Variants in ARCN1 observed in about 807,000 individuals in gnomAD.
ARCN1 encodes the protein archain 1 coat protein complex I subunit delta, also known as coatomer subunit delta.
A neutral mutation model predicts 60.4 loss-of-function variants in ARCN1; 5 were observed. That is an observed-to-expected ratio of 0.08 (90% CI 0.04 to 0.17). ARCN1 has a LOEUF of 0.17. Among genes scored for constraint, ARCN1 ranks in the 10% least tolerant of loss-of-function variants. ARCN1 has a pLI of 1.00. For synonymous variants in ARCN1, 224 were observed against 220.0 expected, an observed-to-expected ratio of 1.02 and a Z score of -0.16; for missense variants, 464 against 626.5, an observed-to-expected ratio of 0.74 and a Z score of 2.77.
chr11:118,601,492 A>G lies in ARCN1; in HGVS notation c.*778A>G, dbSNP rs182476493. 62 of 618,102 alleles carry G rather than the reference A, an allele frequency of 1.0e-4. No homozygotes were observed. Among genetic ancestry groups the G allele is most frequent in the African/African-American group, 7.9e-4 (43 of 54,374 alleles). The allele number at this position is 618,102 out of a possible 1,614,324, so 38.3% of individuals were successfully genotyped here. A position where few individuals can be genotyped will look rare whatever the true frequency, so the allele number is the denominator to read the frequency against. ...CCTTTACCTTTAGGTTTTTCTTTCTATACATTCAGTCAGGCACTGGGATCA... is the reference window on the plus strand; with the variant it reads ...CCTTTACCTTTAGGTTTTTCTTTCTGTACATTCAGTCAGGCACTGGGATCA... On this transcript the variant is annotated 3_prime_UTR_variant, in exon 10 of 10. Transcript: ENST00000264028.
At chr11:118,600,491 A>C (rs1030534452) in intron 9 of ARCN1, 134 bp from the exon 10 acceptor site, 1 of 571,778 alleles carries the variant, frequency 1.7e-6, no homozygotes, top group African/African-American at 2.0e-5. Context: ...TGTGAATTGA[A>C]CATTTTTCTA....
intron 5 of ARCN1, among the ~76,000 whole-genome samples, chr11:118,586,360 G>A (rs578178487): frequency 6.6e-6 from 1 of 152,280 alleles, no homozygotes; most frequent in Admixed American, 6.5e-5. Flanking sequence ...CCTCCCAAAA[G>A]TGCTTGGATT....
rs376675582 is a variant in ARCN1, at chr11:118,572,880, AC to A, written c.3+332del. On this transcript the variant is annotated intron_variant, in intron 1 of 9. Transcript: ENST00000264028. The stretch of plus-strand genomic sequence containing the variant: ...TGGTGGTGCGGGTCCCAGGCTGCGG[AC>A]CTCGGAACTGATGCTGTCCCGCCGG... The A allele has an allele frequency of 3.9e-3, 1,387 of 356,778 alleles. 16 individuals are homozygous for A. The highest frequency in any genetic ancestry group is 0.024 in the African/African-American group (1,144 of 47,796). 22.1% of individuals were successfully genotyped at this position (356,778 alleles called of 1,614,324 possible).
chr11:118,582,330 A>G (rs1358947709), intron 2 of ARCN1, among the ~76,000 whole-genome samples: 7 of 152,030 alleles, frequency 4.6e-5, no homozygotes, highest in Non-Finnish European at 8.8e-5. Context: ...GGGTTTCACC[A>G]TGTTGGCCAG....
At chr11:118,598,488 ATTT>A (rs1174732773) in intron 9 of ARCN1, among the ~76,000 whole-genome samples, 6 of 111,136 alleles carry the variant, frequency 5.4e-5, no homozygotes, top group Admixed American at 9.5e-5. Flanking sequence ...GTTCCTTCGG[ATTT>A]TTTTTTTTTT....
rs782067573 is a variant in ARCN1 at position 118,590,352 on chromosome 11, A to C, written c.830A>C (p.Lys277Thr). The C allele has an allele frequency of 6.2e-7, 1 of 1,613,384 alleles. No homozygotes were observed. Among genetic ancestry groups the C allele is most frequent in the Non-Finnish European group, 8.5e-7 (1 of 1,179,418 alleles). ...PPINMESVHM[K>T]IEEKITLTCG... ...CTTTCTCTTTATAGTGTACATATGA[A>C]GATTGAAGAAAAGATAACATTAACC... Residue 277 changes from lysine to threonine, a missense_variant, in exon 6 of 10, where the codon AAG (lysine) becomes ACG (threonine). Lys to Thr is a moderately conservative substitution (Grantham distance 78, BLOSUM62 -1). Transcript: ENST00000264028.
At position 118,601,148 on chromosome 11, in the gene ARCN1, C is replaced by T. The variant is rs1042189376; in HGVS notation, c.*434C>T. On this transcript the variant is annotated 3_prime_UTR_variant, in exon 10 of 10. Transcript: ENST00000264028. ...CATGATCTCAGCTCACTGCAACCTC[C>T]GCCTCCTGGGTTCAAGCAAGTCTCC... 11 of 182,408 alleles carry T rather than the reference C, an allele frequency of 6.0e-5. No homozygotes were observed. The highest frequency in any genetic ancestry group is 1.8e-4 in the Admixed American group (3 of 16,532). The allele number at this position is 182,408 out of a possible 1,614,324, so 11.3% of individuals were successfully genotyped here.
intron 8 of ARCN1, among the ~76,000 whole-genome samples, chr11:118,597,185 G>A (rs914378003): frequency 6.6e-6 from 1 of 152,156 alleles, no homozygotes; most frequent in Non-Finnish European, 1.5e-5. Flanking sequence ...CCAGCCTGGC[G>A]ACAGAGCAAG....
intron 2 of ARCN1, among the ~76,000 whole-genome samples, chr11:118,581,937 G>GACAGACAGACAGACACACAC (rs1555074708): frequency 6.4e-5 from 9 of 140,704 alleles, no homozygotes; most frequent in African/African-American, 2.1e-4. Context: ...CAGACAGACA[G>GACAGACAGACAGACACACAC]ACACACACAC....
chr11:118,585,097 A>T (rs778305616), intron 5 of ARCN1, among the ~76,000 whole-genome samples: 1 of 152,064 alleles, frequency 6.6e-6, no homozygotes, highest in Non-Finnish European at 1.5e-5. Flanking sequence ...AAGTGCTGGG[A>T]TTACAGGCGT....
In ARCN1 at chr11:118,584,027, G is replaced by T. The variant is rs782651258; in HGVS notation, c.653+13G>T. ...CTGCACCAGCCAGGTATAATCCAGT[G>T]TACTTTAGAATACCAGGTGAAGGGT... On this transcript the variant is annotated intron_variant, in intron 4 of 9. Coordinates refer to ENST00000264028, the MANE Select transcript of ARCN1 (RefSeq NM_001655.5). The T allele has an allele frequency of 1.2e-6, 2 of 1,612,580 alleles. No homozygotes were observed. Among genetic ancestry groups the T allele is most frequent in the African/African-American group, 2.7e-5 (2 of 74,946 alleles).
At chr11:118,592,609 C>T in intron 6 of ARCN1, 100 bp from the exon 7 acceptor site, 1 of 809,988 alleles carries the variant, frequency 1.2e-6, no homozygotes, top group South Asian at 3.1e-5. Flanking sequence ...TTGTTAGGTA[C>T]TCTATTTTGG....
chr11:118,578,891 T>C (rs954672890), intron 1 of ARCN1, among the ~76,000 whole-genome samples: 1 of 147,696 alleles, frequency 6.8e-6, no homozygotes, highest in Admixed American at 6.7e-5. Flanking sequence ...TTTTTTTTTT[T>C]TTTTTTTTTT....
chr11:118,575,936 T>C (rs1170267632), intron 1 of ARCN1, among the ~76,000 whole-genome samples: 5 of 152,040 alleles, frequency 3.3e-5, no homozygotes, highest in African/African-American at 1.2e-4. Flanking sequence ...GCAGTGGGTA[T>C]AAAATGGAAG....
In ARCN1 at chr11:118,584,571, A is replaced by G. The variant is rs782598259; in HGVS notation, c.745A>G (p.Ile249Val). 2 of 1,614,008 alleles carry G rather than the reference A, an allele frequency of 1.2e-6. No individual in the cohort carries two copies. Among genetic ancestry groups the G allele is most frequent in the South Asian group, 1.1e-5 (1 of 91,046 alleles). The change falls in exon 5 of 10, where the codon ATC becomes GTC. Residue 249 changes from isoleucine (I) to valine (V), a missense_variant. Coordinates refer to ENST00000264028, the MANE Select transcript of ARCN1 (RefSeq NM_001655.5). ...CAAATTAAAATCTGAAGGTGAAACC[A>G]TCATGTCCTCTAGTATGGGCAAGCG... Reference protein sequence around the residue: ...VDKLKSEGETIMSSSMGKRTS... With the variant: ...VDKLKSEGETVMSSSMGKRTS...
At position 118,601,742 on chromosome 11, in the gene ARCN1, A is replaced by G. The variant is rs1555078198; in HGVS notation, c.*1028A>G. On this transcript the variant is annotated 3_prime_UTR_variant, in exon 10 of 10. Coordinates refer to ENST00000264028, the MANE Select transcript of ARCN1 (RefSeq NM_001655.5). ...CTTCCAGTTTAGAACAGTACCATGA[A>G]TCCCACTTGTGTCAATATTAAAGAT... The G allele has an allele frequency of 4.3e-6, 3 of 702,874 alleles. No individual in the cohort carries two copies. The highest frequency in any genetic ancestry group is 4.0e-5 in the Admixed American group (2 of 49,976). The allele number at this position is 702,874 out of a possible 1,614,324, so 43.5% of individuals were successfully genotyped here.
intron 1 of ARCN1, among the ~76,000 whole-genome samples, chr11:118,580,117 G>C (rs1402813354): frequency 3.3e-5 from 5 of 152,062 alleles, no homozygotes; most frequent in African/African-American, 7.2e-5. Flanking sequence ...GAGTCCAGAA[G>C]TTCAAGACCA....
chr11:118,585,087 A>C (rs1555075292), intron 5 of ARCN1, among the ~76,000 whole-genome samples: 1 of 151,996 alleles, frequency 6.6e-6, no homozygotes, highest in Admixed American at 6.6e-5. Flanking sequence ...CAGCCTCCCG[A>C]AGTGCTGGGA....
intron 8 of ARCN1, among the ~76,000 whole-genome samples, chr11:118,597,430 C>G (rs1939050655): frequency 6.6e-6 from 1 of 152,206 alleles, no homozygotes; most frequent in Admixed American, 6.5e-5. Flanking sequence ...TCGCAGTCCC[C>G]AGATCTAGTC....
Sources: gnomAD v4.1 joint callset for allele counts (sites outside exome capture counted in the v4.1 genomes callset) on GRCh38, gnomAD v4.1.1 for gene constraint, MANE v1.5 for transcripts, NCBI Gene and HGNC (gene_info 2026-07-23, HGNC 2026-07-21) for gene names.